SSTR5: variants seen among roughly 807,000 people sequenced by gnomAD.
The protein encoded by SSTR5 is somatostatin receptor 5, also known as somatostatin receptor type 5.
A neutral mutation model predicts 0.3 loss-of-function variants in SSTR5; 1 was observed. That is an observed-to-expected ratio of 2.98 (90% CI 1.06 to 14.15). SSTR5 has a LOEUF of 14.15. Ranked by LOEUF, SSTR5 falls within the 30% of genes most tolerant of loss-of-function variation. The pLI is 0.12. For missense variants in SSTR5, 516 were observed against 543.2 expected (o/e 0.95, Z 0.50); for synonymous variants, 256 against 263.1 (o/e 0.97, Z 0.26).
At chr16:1,074,918 C>T (rs903446945) in intron 1 of SSTR5, among the ~76,000 whole-genome samples, 8 of 152,128 alleles carry the variant, frequency 5.3e-5, no homozygotes, top group Non-Finnish European at 7.4e-5. Context: ...CAGAGAAGCC[C>T]GTGACTTACC....
chr16:1,074,759 G>A (rs893337569), intron 1 of SSTR5, among the ~76,000 whole-genome samples: 1 of 152,240 alleles, frequency 6.6e-6, no homozygotes, highest in African/African-American at 2.4e-5. Flanking sequence ...ACCTGCAGAT[G>A]GTGAGTTGTG....
Position 1,079,494 on chromosome 16 carries a change from GCTT to G in SSTR5, c.631_633del (p.Phe211del). Reference sequence around the variant, plus strand: ...TTCATCATCTACACGGCCGTGCTGGGCTTCTTCGCGCCGCTGCTGGTCATCTGC... The same window carrying G: ...TTCATCATCTACACGGCCGTGCTGGGCTTCGCGCCGCTGCTGGTCATCTGC... On this transcript the variant is annotated inframe_deletion, in exon 2 of 2. Coordinates refer to ENST00000689027, the MANE Select transcript of SSTR5 (RefSeq NM_001172560.3). The G allele has an allele frequency of 1.2e-6, 2 of 1,611,744 alleles. No individual in the cohort carries two copies. Among genetic ancestry groups the G allele is most frequent in the Non-Finnish European group, 1.7e-6 (2 of 1,179,346 alleles).
rs34037914 is a variant in SSTR5 at position 1,079,501 on chromosome 16, C to T, written c.633C>T (p.Phe211=). Reference sequence around the variant, plus strand: ...TCTACACGGCCGTGCTGGGCTTCTTCGCGCCGCTGCTGGTCATCTGCCTGT... The same window carrying T: ...TCTACACGGCCGTGCTGGGCTTCTTTGCGCCGCTGCTGGTCATCTGCCTGT... ...FIIYTAVLGF[F]APLLVICLCY... Residue 211 remains phenylalanine, a synonymous_variant, in exon 2 of 2, where the codon TTC becomes TTT. Transcript: ENST00000689027. 0.061 allele frequency: 98,259 copies of T among 1,611,574 alleles called. 3,364 individuals are homozygous for T. The highest frequency in any genetic ancestry group is 0.094 in the Admixed American group (5,620 of 59,840).
Position 1,079,963 on chromosome 16 carries a change from A to G in SSTR5, c.1095A>G (p.Ter365TrpextTer21). The change falls in exon 2 of 2, where the codon TGA becomes TGG. Residue 365 changes from the stop codon to tryptophan (W), a stop_lost. Transcript: ENST00000689027. Reference sequence around the variant, plus strand: ...GGCTTATGCAGACCAGCAAGCTGTGAGAGTGCAGGCGGGGGGTGGGCGGCC... The same window carrying G: ...GGCTTATGCAGACCAGCAAGCTGTGGGAGTGCAGGCGGGGGGTGGGCGGCC... Reference protein sequence around the residue: ...ANGLMQTSKL* With the variant: ...ANGLMQTSKLW 1 of 1,598,308 alleles carries G rather than the reference A, an allele frequency of 6.3e-7. No homozygotes were observed. Among genetic ancestry groups the G allele is most frequent in the Non-Finnish European group, 8.5e-7 (1 of 1,173,086 alleles).
At chr16:1,076,991 A>G (rs1960225167) in intron 1 of SSTR5, among the ~76,000 whole-genome samples, 1 of 151,854 alleles carries the variant, frequency 6.6e-6, no homozygotes, top group African/African-American at 2.4e-5. Context: ...GGGCCATGCG[A>G]GCTTGGGGAT....
intron 1 of SSTR5, 164 bp from the exon 2 acceptor site, chr16:1,078,678 A>G (rs1268217397): frequency 4.3e-6 from 3 of 697,188 alleles, no homozygotes; most frequent in Non-Finnish European, 7.1e-6. Context: ...TTTTCCAAAC[A>G]ATTTGCTTAA....
chr16:1,075,976 TC>T (rs1250827491), intron 1 of SSTR5, among the ~76,000 whole-genome samples: 3 of 378 alleles, frequency 7.9e-3, no homozygotes, highest in Admixed American at 0.024. Flanking sequence ...TCTCTCTCCC[TC>T]CCCCTCCTCC....
At chr16:1,074,316 C>A (rs897580059) in intron 1 of SSTR5, among the ~76,000 whole-genome samples, 1 of 152,210 alleles carries the variant, frequency 6.6e-6, no homozygotes, top group Non-Finnish European at 1.5e-5. Context: ...CAGGGTGCGG[C>A]GTGGGCCCCG....
At position 1,072,837 on chromosome 16, in the gene SSTR5, C is replaced by A. The variant is rs1351377008; in HGVS notation, c.-28+15C>A. 6.6e-6 allele frequency among the ~76,000 whole-genome samples: 1 copy of A among 151,746 alleles called. No individual in the cohort carries two copies. The highest frequency in any genetic ancestry group is 1.5e-5 in the Non-Finnish European group (1 of 67,868). Reference sequence around the variant, plus strand: ...CCGCCGCCCAGGTGAGTGCCGCCCGCCCCTGTCCCCCTCCCGCGCGGGCAC... The same window carrying A: ...CCGCCGCCCAGGTGAGTGCCGCCCGACCCTGTCCCCCTCCCGCGCGGGCAC... On this transcript the variant is annotated intron_variant, in intron 1 of 1. Coordinates refer to ENST00000689027, the MANE Select transcript of SSTR5 (RefSeq NM_001172560.3).
In SSTR5 at chr16:1,079,707, C is replaced by T; in HGVS notation, c.839C>T (p.Pro280Leu). 1 of 1,612,062 alleles carries T rather than the reference C, an allele frequency of 6.2e-7. No homozygotes were observed. The highest frequency in any genetic ancestry group is 8.5e-7 in the Non-Finnish European group (1 of 1,179,910). ...CTGGCCGTGGCGCTGCCCCAGGAGCCCGCCTCCGCCGGCCTCTACTTCTTC... is the reference window on the plus strand; with the variant it reads ...CTGGCCGTGGCGCTGCCCCAGGAGCTCGCCTCCGCCGGCCTCTACTTCTTC... ...VNLAVALPQE[P>L]ASAGLYFFVV... is the part of the protein sequence containing the mutation. Residue 280 changes from proline to leucine, a missense_variant, in exon 2 of 2, where the codon CCC becomes CTC. Transcript: ENST00000689027.
intron 1 of SSTR5, among the ~76,000 whole-genome samples, chr16:1,074,283 C>G (rs931921086): frequency 1.2e-4 from 18 of 152,228 alleles, no homozygotes; most frequent in Admixed American, 9.8e-4. Context: ...AATGGAGGAG[C>G]CCGGGTGGGT....
Position 1,080,903 on chromosome 16 carries a change from T to G in SSTR5, c.*940T>G, listed in dbSNP as rs753926459. On this transcript the variant is annotated 3_prime_UTR_variant, in exon 2 of 2. Transcript: ENST00000689027. ...ACAGGGAACCTGCGGCCGTCTCTTC[T>G]GCTTTGGGGCAGGGGCTCTGGCCCG... 5 of 386,858 alleles carry G rather than the reference T, an allele frequency of 1.3e-5. No individual in the cohort carries two copies. The highest frequency in any genetic ancestry group is 2.7e-5 in the Non-Finnish European group (5 of 185,698). 24.0% of individuals were successfully genotyped at this position (386,858 alleles called of 1,614,324 possible).
chr16:1,073,111 G>A (rs58059437), intron 1 of SSTR5: 52,940 of 152,342 alleles, frequency 0.35, 9,931 homozygotes, highest in East Asian at 0.78. Flanking sequence ...CCGTGTGCCA[G>A]GGTCAGCCCA....
intron 1 of SSTR5, among the ~76,000 whole-genome samples, chr16:1,076,003 CA>C (rs1567384887): frequency 9.8e-4 from 1 of 1,020 alleles, no homozygotes; most frequent in Non-Finnish European, 2.2e-3. Flanking sequence ...CCTCTCCCCC[CA>C]CCTTTTCTCT....
chr16:1,077,324 C>T (rs1960232864), intron 1 of SSTR5, among the ~76,000 whole-genome samples: 2 of 152,206 alleles, frequency 1.3e-5, no homozygotes, highest in African/African-American at 4.8e-5. Context: ...TGGTCTGGAT[C>T]CTAGGGGACA....
In SSTR5 at chr16:1,079,141, G is replaced by A; in HGVS notation, c.273G>A (p.Leu91=). The change falls in exon 2 of 2, where the codon CTG becomes CTA. Residue 91 remains leucine, a synonymous_variant. Transcript: ENST00000689027. ...NLAVADVLYM[L]GLPFLATQNA... ...CAGTGGCCGACGTCCTGTACATGCT[G>A]GGGCTGCCTTTCCTGGCCACGCAGA... The A allele has an allele frequency of 8.7e-6, 14 of 1,612,664 alleles. No homozygotes were observed. The highest frequency in any genetic ancestry group is 1.2e-5 in the Non-Finnish European group (14 of 1,179,948).
chr16:1,075,511 C>G (rs899193205), intron 1 of SSTR5, among the ~76,000 whole-genome samples: 2 of 152,118 alleles, frequency 1.3e-5, no homozygotes, highest in African/African-American at 4.8e-5. Flanking sequence ...ACCACACGTG[C>G]TGGGGACCCA....
In SSTR5 at chr16:1,080,927, C is replaced by T. The variant is rs116550527; in HGVS notation, c.*964C>T. 0.062 allele frequency: 25,661 copies of T among 413,746 alleles called. 1,195 individuals are homozygous for T. The highest frequency in any genetic ancestry group is 0.13 in the South Asian group (7,538 of 56,550). 25.6% of individuals were successfully genotyped at this position (413,746 alleles called of 1,614,324 possible). A position where few individuals can be genotyped will look rare whatever the true frequency, so the allele number is the denominator to read the frequency against. On this transcript the variant is annotated 3_prime_UTR_variant, in exon 2 of 2. Coordinates refer to ENST00000689027, the MANE Select transcript of SSTR5 (RefSeq NM_001172560.3). ...CTGCTTTGGGGCAGGGGCTCTGGCC[C>T]GGGAGAGGGAACGGGGACAGGAGCA...
rs550922893 is a variant in SSTR5 at position 1,080,049 on chromosome 16, C to T, written c.*86C>T. On this transcript the variant is annotated 3_prime_UTR_variant, in exon 2 of 2. Transcript: ENST00000689027. ...TGACCCCCACCCATGACCTGCCAGTCAGGATGCTCCCCGGCGGTGGTGTGA... is the reference window on the plus strand; with the variant it reads ...TGACCCCCACCCATGACCTGCCAGTTAGGATGCTCCCCGGCGGTGGTGTGA... 1.4e-5 allele frequency: 20 copies of T among 1,460,756 alleles called. No homozygotes were observed. Among genetic ancestry groups the T allele is most frequent in the Non-Finnish European group, 1.6e-5 (18 of 1,098,388 alleles). 90.5% of individuals were successfully genotyped at this position (1,460,756 alleles called of 1,614,324 possible). A position where few individuals can be genotyped will look rare whatever the true frequency, so the allele number is the denominator to read the frequency against.
Sources: allele counts gnomAD v4.1 joint callset (sites outside exome capture counted in the v4.1 genomes callset), GRCh38; gene constraint gnomAD v4.1.1; transcripts MANE v1.5; gene names NCBI Gene and HGNC (gene_info 2026-07-23, HGNC 2026-07-21).